The following LARS2 variants were observed in gnomAD, a reference collection of about 807,000 sequenced individuals.
LARS2 encodes the protein leucine--tRNA ligase, mitochondrial.
A neutral mutation model predicts 116.6 loss-of-function variants in LARS2; 81 were observed. The observed-to-expected ratio is 0.69, with a 90% CI of 0.58 to 0.84. The LOEUF is 0.84. LARS2 is among the 40% of genes least tolerant of loss of function. LARS2 has a pLI of 0.00. For missense variants in LARS2, 968 were observed against 1,114.5 expected, an observed-to-expected ratio of 0.87 and a Z score of 1.87; for synonymous variants, 396 against 407.2, an observed-to-expected ratio of 0.97 and a Z score of 0.33.
At chr3:45,494,162 C>T (rs570934635) in intron 13 of LARS2, among the ~76,000 whole-genome samples, 1 of 152,180 alleles carries the variant, frequency 6.6e-6, no homozygotes, top group South Asian at 2.1e-4. Flanking sequence ...TGGGAGGTCC[C>T]CTGATTAAAA....
intron 6 of LARS2, 21 bp from the exon 7 acceptor site, chr3:45,446,870 A>G: frequency 6.7e-7 from 1 of 1,502,860 alleles, no homozygotes; most frequent in East Asian, 2.3e-5. Context: ...CCTGTACATT[A>G]TTTTTCTTCT....
At chr3:45,456,827 G>T (rs1699220502) in intron 7 of LARS2, among the ~76,000 whole-genome samples, 1 of 152,074 alleles carries the variant, frequency 6.6e-6, no homozygotes, top group Non-Finnish European at 1.5e-5. Flanking sequence ...TTCCAATGGG[G>T]GTACTGCTTC....
intron 6 of LARS2, among the ~76,000 whole-genome samples, chr3:45,425,803 C>T (rs1698584600): frequency 6.6e-6 from 1 of 152,134 alleles, no homozygotes; most frequent in South Asian, 2.1e-4. Context: ...TTCGTGTAAT[C>T]ACAATTCCAT....
At chr3:45,425,904 TTTC>T (rs1380548361) in intron 6 of LARS2, among the ~76,000 whole-genome samples, 2 of 110,342 alleles carry the variant, frequency 1.8e-5, no homozygotes, top group East Asian at 7.8e-4. Flanking sequence ...CCTTTTTTTT[TTTC>T]TTTTCTTTTC....
chr3:45,532,805 C>A (rs1700635966), intron 20 of LARS2, among the ~76,000 whole-genome samples: 1 of 152,096 alleles, frequency 6.6e-6, no homozygotes, highest in South Asian at 2.1e-4. Context: ...CCATGCCCGG[C>A]TAATTTTTGT....
At chr3:45,469,997 T>C (rs1412176523) in intron 8 of LARS2, among the ~76,000 whole-genome samples, 1 of 152,260 alleles carries the variant, frequency 6.6e-6, no homozygotes, top group Admixed American at 6.5e-5. Context: ...GTGTCTTCCA[T>C]TCTCTCAAAT....
intron 20 of LARS2, among the ~76,000 whole-genome samples, chr3:45,524,854 T>C (rs1471548810): frequency 6.6e-6 from 1 of 152,192 alleles, no homozygotes; most frequent in Non-Finnish European, 1.5e-5. Flanking sequence ...GCATGTTGTT[T>C]AGTTGAGCAA....
chr3:45,427,795 G>C (rs1698620713), intron 6 of LARS2, among the ~76,000 whole-genome samples: 1 of 151,318 alleles, frequency 6.6e-6, no homozygotes, highest in Admixed American at 6.6e-5. Context: ...TGACATTGAT[G>C]ATCATTACTG....
chr3:45,437,982 A>G (rs1033660199), intron 6 of LARS2, among the ~76,000 whole-genome samples: 1 of 152,276 alleles, frequency 6.6e-6, no homozygotes, highest in African/African-American at 2.4e-5. Flanking sequence ...AAAGAAAAAA[A>G]GGTAGAGTAG....
intron 10 of LARS2, among the ~76,000 whole-genome samples, chr3:45,483,384 C>T (rs2086624): frequency 0.8 from 121,642 of 152,178 alleles, 52,823 homozygotes; most frequent in East Asian, 0.98. Context: ...TGCAATGGCT[C>T]ATGTTTGTAA....
rs755649217 is a variant in LARS2, at chr3:45,516,140, G to C, written c.1908G>C (p.Thr636=). The C allele has an allele frequency of 5.6e-6, 9 of 1,614,196 alleles. No individual in the cohort carries two copies. Among genetic ancestry groups the C allele is most frequent in the Non-Finnish European group, 7.6e-6 (9 of 1,180,026 alleles). ...HAKTKEKLEV[T]WEKMSKSKHN... ...AAACGAAAGAGAAGTTAGAGGTGAC[G>C]TGGGAGAAGATGAGTAAGTCCAAAC... Residue 636 remains threonine (T), a synonymous_variant, in exon 17 of 22, where the codon ACG becomes ACC. Coordinates refer to ENST00000645846, the MANE Select transcript of LARS2 (RefSeq NM_015340.4).
chr3:45,530,025 C>T (rs545821408), intron 20 of LARS2, among the ~76,000 whole-genome samples: 9 of 152,292 alleles, frequency 5.9e-5, no homozygotes, highest in African/African-American at 1.4e-4. Context: ...AGTCAAAACA[C>T]GACTTCAGAG....
chr3:45,501,013 AC>A (rs1299297163), intron 15 of LARS2, among the ~76,000 whole-genome samples: 3 of 151,592 alleles, frequency 2.0e-5, no homozygotes, highest in African/African-American at 4.8e-5. Flanking sequence ...CATTGTAAAA[AC>A]ATCAGTAAAT....
At chr3:45,509,810 G>T (rs1215117606) in intron 15 of LARS2, among the ~76,000 whole-genome samples, 1 of 151,852 alleles carries the variant, frequency 6.6e-6, no homozygotes, top group Admixed American at 6.6e-5. Context: ...TTCCCCACTG[G>T]GAAATTCCAT....
At chr3:45,426,050 A>G (rs955164691) in intron 6 of LARS2, among the ~76,000 whole-genome samples, 1 of 151,716 alleles carries the variant, frequency 6.6e-6, no homozygotes, top group Non-Finnish European at 1.5e-5. Flanking sequence ...ACTCTGAATC[A>G]TTTCTGCCTC....
chr3:45,402,618 G>A (rs1185339296), intron 4 of LARS2, among the ~76,000 whole-genome samples: 1 of 152,206 alleles, frequency 6.6e-6, no homozygotes, highest in Non-Finnish European at 1.5e-5. Flanking sequence ...GACATTGGCT[G>A]CAAGAAGTAT....
intron 6 of LARS2, among the ~76,000 whole-genome samples, chr3:45,441,724 G>A (rs754519165): frequency 5.3e-5 from 8 of 152,138 alleles, no homozygotes; most frequent in Non-Finnish European, 8.8e-5. Context: ...CTGATGAATC[G>A]CTGTGTCTCA....
At chr3:45,389,864 C>T (rs1697910438) in intron 1 of LARS2, among the ~76,000 whole-genome samples, 1 of 152,130 alleles carries the variant, frequency 6.6e-6, no homozygotes, top group Non-Finnish European at 1.5e-5. Flanking sequence ...TGGAGGGGTA[C>T]TTGGAGTGGC....
At chr3:45,409,466 T>C (rs538100059) in intron 4 of LARS2, among the ~76,000 whole-genome samples, 2 of 152,280 alleles carry the variant, frequency 1.3e-5, no homozygotes, top group South Asian at 4.1e-4. Context: ...TGTACAAGGC[T>C]GGCAAGGGAA....
Sources: gnomAD v4.1 joint callset for allele counts (sites outside exome capture counted in the v4.1 genomes callset) on GRCh38, gnomAD v4.1.1 for gene constraint, MANE v1.5 for transcripts, NCBI Gene and HGNC (gene_info 2026-07-23, HGNC 2026-07-21) for gene names.